Variants in VTA1 observed in about 807,000 individuals in gnomAD.
The protein encoded by VTA1 is vesicle trafficking 1.
Under a neutral mutation model 36.9 loss-of-function variants are expected in VTA1, and 24 were observed. The observed-to-expected ratio is 0.65, with a 90% confidence interval of 0.47 to 0.91. The LOEUF is 0.91. VTA1 is among the 40% of genes least tolerant of loss of function. The pLI, the probability that VTA1 is intolerant of heterozygous loss-of-function variation, is 0.00. For missense variants in VTA1, 393 were observed against 377.2 expected (o/e 1.04, Z -0.35); for synonymous variants, 142 against 130.2 (o/e 1.09, Z -0.62).
intron 6 of VTA1, among the ~76,000 whole-genome samples, chr6:142,202,794 C>T (rs1775715466): frequency 6.6e-6 from 1 of 151,828 alleles, no homozygotes; most frequent in African/African-American, 2.4e-5. Flanking sequence ...AGGCTTTCTC[C>T]TTTATATTTT....
chr6:142,172,531 C>G (rs1298879347), intron 4 of VTA1, among the ~76,000 whole-genome samples: 1 of 152,204 alleles, frequency 6.6e-6, no homozygotes, highest in Admixed American at 6.5e-5. Context: ...TAAAGGAGAA[C>G]TGATACCCGG....
rs1197532188 is a variant in VTA1, at chr6:142,221,704, A to T, written c.*3061A>T. On this transcript the variant is annotated 3_prime_UTR_variant, in exon 8 of 8. Transcript: ENST00000367630. ...GGCGGTGGTTCGCACCTGCAATCCC[A>T]GCACTTTGGGAGCCAAGGCAGGCGG... 3 of 151,624 alleles carry T rather than the reference A, an allele frequency of 2.0e-5. No individual in the cohort carries two copies. The highest frequency in any genetic ancestry group is 2.0e-4 in the Admixed American group (3 of 15,188). 9.4% of individuals were successfully genotyped at this position (151,624 alleles called of 1,614,324 possible).
At position 142,203,996 on chromosome 6, in the gene VTA1, A is replaced by C. The variant is rs753761061; in HGVS notation, c.709A>C (p.Asn237His). Residue 237 changes from asparagine (N) to histidine (H), a missense_variant, in exon 7 of 8, where the codon AAT becomes CAT. Transcript: ENST00000367630. ...TTTCTGATTTGCAGGTGTAGCAAGT[A>C]ATACTATCCAACCTACTCCACAGAC... ...EVPHSTGVAS[N>H]TIQPTPQTIP... The C allele has an allele frequency of 6.2e-7, 1 of 1,613,384 alleles. No homozygotes were observed. Among genetic ancestry groups the C allele is most frequent in the South Asian group, 1.1e-5 (1 of 91,076 alleles).
intron 2 of VTA1, 146 bp from the exon 3 acceptor site, chr6:142,169,404 C>A: frequency 2.2e-6 from 2 of 892,006 alleles, no homozygotes; most frequent in Non-Finnish European, 1.7e-6. Context: ...GGCATAGCAG[C>A]TCTTTTTGCA....
chr6:142,182,039 TAAC>T (rs1775251765), intron 4 of VTA1, among the ~76,000 whole-genome samples: 1 of 152,240 alleles, frequency 6.6e-6, no homozygotes, highest in South Asian at 2.1e-4. Flanking sequence ...GTTTATATAA[TAAC>T]TTGGGAGGTT....
rs561752387 is a variant in VTA1, at chr6:142,176,741, A to G, written c.411+6320A>G. 1.0e-3 allele frequency among the ~76,000 whole-genome samples: 155 copies of G among 152,316 alleles called. 2 individuals carry two copies. In the Middle Eastern group the frequency reaches 0.034, roughly 33 times the overall value. On this transcript the variant is annotated intron_variant, in intron 4 of 7. Transcript: ENST00000367630. ...AGCATAATTTGCTATGTGTGTTTCA[A>G]ATATTTCTAAATCCAGTTTCAGTAT...
chr6:142,201,074 C>G (rs186876049), intron 6 of VTA1, among the ~76,000 whole-genome samples: 311 of 151,968 alleles, frequency 2.0e-3, no homozygotes, highest in Non-Finnish European at 3.5e-3. Flanking sequence ...ATGTTCCTTC[C>G]TCTAAGGAAC....
At chr6:142,203,915 A>G (rs1775736861) in intron 6 of VTA1, 70 bp from the exon 7 acceptor site, 8 of 1,266,000 alleles carry the variant, frequency 6.3e-6, no homozygotes, top group South Asian at 6.3e-5. Context: ...CATGATTTTT[A>G]AGTGCTGCCC....
At chr6:142,196,787 T>C (rs1775559206) in intron 5 of VTA1, among the ~76,000 whole-genome samples, 1 of 152,182 alleles carries the variant, frequency 6.6e-6, no homozygotes, top group Non-Finnish European at 1.5e-5. Flanking sequence ...TATTTGTTGA[T>C]AACATGTTGA....
chr6:142,178,687 CAT>C (rs1224316562), intron 4 of VTA1, among the ~76,000 whole-genome samples: 2 of 151,802 alleles, frequency 1.3e-5, no homozygotes, highest in Non-Finnish European at 2.9e-5. Flanking sequence ...GAGAAGGAAA[CAT>C]AAACAGGTGG....
At chr6:142,181,452 ATT>A (rs1050597894) in intron 4 of VTA1, among the ~76,000 whole-genome samples, 12 of 53,982 alleles carry the variant, frequency 2.2e-4, no homozygotes, top group African/African-American at 1.0e-3. Context: ...CACTTTTTAT[ATT>A]TTATATATAT....
At chr6:142,184,260 C>T (rs1399327787) in intron 4 of VTA1, among the ~76,000 whole-genome samples, 1 of 152,072 alleles carries the variant, frequency 6.6e-6, no homozygotes, top group African/African-American at 2.4e-5. Flanking sequence ...TTGTAGTTTA[C>T]CAAGATAGAC....
At chr6:142,187,470 G>A (rs1385574588) in intron 4 of VTA1, among the ~76,000 whole-genome samples, 1 of 152,218 alleles carries the variant, frequency 6.6e-6, no homozygotes, top group African/African-American at 2.4e-5. Flanking sequence ...GCTGACGCAT[G>A]TGGGCTCCCT....
chr6:142,202,105 C>T (rs1457773363), intron 6 of VTA1, among the ~76,000 whole-genome samples: 2 of 151,926 alleles, frequency 1.3e-5, no homozygotes, highest in African/African-American at 4.8e-5. Context: ...TGTTTCAAAG[C>T]ACTAGACATG....
At chr6:142,151,249 A>G (rs1778562100) in intron 1 of VTA1, among the ~76,000 whole-genome samples, 1 of 152,190 alleles carries the variant, frequency 6.6e-6, no homozygotes, top group Non-Finnish European at 1.5e-5. Context: ...CCACAGTGGG[A>G]AATCTCAGTC....
In VTA1 at chr6:142,188,225, C is replaced by CTT. The variant is rs200348683; in HGVS notation, c.412-1174_412-1173dup. ...TGCCTAGCCCTCTATTTCTTTATTT[C>CTT]TTTTTTTTTTTTTTTTTTTTTTTTT... On this transcript the variant is annotated intron_variant, in intron 4 of 7. Transcript: ENST00000367630. Among the ~76,000 whole-genome samples, 380 of 78,928 alleles carry CTT rather than the reference C, an allele frequency of 4.8e-3. 25 individuals are homozygous for CTT. Among genetic ancestry groups the CTT allele is most frequent in the Middle Eastern group, 0.017 (1 of 60 alleles). The allele number at this position is 78,928 out of a possible 152,430, so 51.8% of individuals were successfully genotyped here.
chr6:142,178,291 G>A (rs1010473832), intron 4 of VTA1, among the ~76,000 whole-genome samples: 10 of 151,912 alleles, frequency 6.6e-5, no homozygotes, highest in African/African-American at 2.4e-4. Flanking sequence ...CATATTTAAA[G>A]GGCTGAAAGA....
rs372279781 is a variant in VTA1, at chr6:142,179,686, G to T, written c.411+9265G>T. 3.3e-5 allele frequency among the ~76,000 whole-genome samples: 5 copies of T among 152,118 alleles called. No individual in the cohort carries two copies. In the East Asian group the frequency reaches 9.7e-4, roughly 29 times the overall value. The stretch of plus-strand genomic sequence containing the variant: ...GTTGATCTGGGAAGGGATATAAATA[G>T]AAGTATGGTTTACCCAGGTATATTA... On this transcript the variant is annotated intron_variant, in intron 4 of 7. Transcript: ENST00000367630.
chr6:142,222,613 A>G lies in VTA1; in HGVS notation c.*3970A>G, dbSNP rs1776131869. ...ACCCTAATAGCAGCATTGTACAAAT[A>G]TTTTCAACTCTAAAAGAATAATAGC... On this transcript the variant is annotated 3_prime_UTR_variant, in exon 8 of 8. Transcript: ENST00000367630. The G allele has an allele frequency of 1.8e-5, 1 of 54,344 alleles. No individual in the cohort carries two copies. The highest frequency in any genetic ancestry group is 1.4e-4 in the Admixed American group (1 of 7,166). The allele number at this position is 54,344 out of a possible 1,614,324, so 3.4% of individuals were successfully genotyped here. A position where few individuals can be genotyped will look rare whatever the true frequency, so the allele number is the denominator to read the frequency against.
Sources: allele counts gnomAD v4.1 joint callset (sites outside exome capture counted in the v4.1 genomes callset), GRCh38; gene constraint gnomAD v4.1.1; transcripts MANE v1.5; gene names NCBI Gene and HGNC (gene_info 2026-07-23, HGNC 2026-07-21).